SLC13A1: variants seen among roughly 807,000 people sequenced by gnomAD.
SLC13A1 encodes the protein solute carrier family 13 member 1.
A neutral mutation model predicts 70.0 loss-of-function variants in SLC13A1; 65 were observed. That is an observed-to-expected ratio of 0.93 (90% CI 0.76 to 1.14). The LOEUF (loss-of-function observed/expected upper bound fraction) is 1.14. SLC13A1 is among the 50% of genes most tolerant of loss of function. SLC13A1 has a pLI of 0.00. For missense variants in SLC13A1, 726 were observed against 717.8 expected, an observed-to-expected ratio of 1.01 and a Z score of -0.13; for synonymous variants, 275 against 250.5, an observed-to-expected ratio of 1.10 and a Z score of -0.92.
chr7:123,151,386 G>GTGTATATATA (rs142703205), intron 6 of SLC13A1, among the ~76,000 whole-genome samples: 3 of 145,850 alleles, frequency 2.1e-5, no homozygotes, highest in African/African-American at 7.7e-5. Flanking sequence ...GTGTGTGTGT[G>GTGTATATATA]TATATATATA....
intron 6 of SLC13A1, among the ~76,000 whole-genome samples, chr7:123,155,313 T>C (rs1794674511): frequency 1.3e-5 from 2 of 151,952 alleles, no homozygotes; most frequent in Admixed American, 6.6e-5. Flanking sequence ...TTTCCATTTA[T>C]GCTTTTATAT....
At chr7:123,120,965 T>C (rs1793357737) in intron 12 of SLC13A1, among the ~76,000 whole-genome samples, 1 of 152,080 alleles carries the variant, frequency 6.6e-6, no homozygotes. Context: ...TCAGTAGCTC[T>C]CTCAGTCCAG....
chr7:123,153,342 C>A (rs1263263754), intron 6 of SLC13A1, among the ~76,000 whole-genome samples: 1 of 151,960 alleles, frequency 6.6e-6, no homozygotes, highest in Non-Finnish European at 1.5e-5. Flanking sequence ...GGTAAAAATT[C>A]TACAGTAAAT....
intron 14 of SLC13A1, among the ~76,000 whole-genome samples, chr7:123,116,221 T>C (rs757180927): frequency 6.6e-6 from 1 of 152,230 alleles, no homozygotes; most frequent in Non-Finnish European, 1.5e-5. Flanking sequence ...GTTTTAGCTC[T>C]TATATCATTA....
intron 6 of SLC13A1, among the ~76,000 whole-genome samples, chr7:123,154,878 A>T (rs1286167417): frequency 6.6e-6 from 1 of 152,062 alleles, no homozygotes; most frequent in South Asian, 2.1e-4. Flanking sequence ...ATCTAGACTT[A>T]AGTCTTCCCT....
chr7:123,118,007 T>G (rs373525747), intron 13 of SLC13A1, among the ~76,000 whole-genome samples: 1 of 151,546 alleles, frequency 6.6e-6, no homozygotes, highest in East Asian at 1.9e-4. Flanking sequence ...ATATATATAT[T>G]GAATTTTTAC....
intron 6 of SLC13A1, among the ~76,000 whole-genome samples, chr7:123,165,779 A>C (rs10235874): frequency 0.028 from 4,220 of 152,250 alleles, 180 homozygotes; most frequent in African/African-American, 0.094. Context: ...TGAAAAAAAA[A>C]CATTCTTTAC....
At chr7:123,124,877 C>T (rs1371831352) in intron 11 of SLC13A1, among the ~76,000 whole-genome samples, 1 of 152,156 alleles carries the variant, frequency 6.6e-6, no homozygotes, top group African/African-American at 2.4e-5. Flanking sequence ...TAGCTCACTA[C>T]AGCCTCCAAC....
At chr7:123,134,787 G>T (rs1221199346) in intron 7 of SLC13A1, among the ~76,000 whole-genome samples, 1 of 152,244 alleles carries the variant, frequency 6.6e-6, no homozygotes, top group East Asian at 1.9e-4. Context: ...CATCTTTAAG[G>T]AAGTGCTTGT....
At chr7:123,199,805 A>G (rs1796295945) in intron 1 of SLC13A1, 43 bp downstream of exon 1, 2 of 1,421,364 alleles carry the variant, frequency 1.4e-6, no homozygotes, top group Non-Finnish European at 2.0e-6. Flanking sequence ...GGACAATTAA[A>G]TAAGTCAGGA....
intron 6 of SLC13A1, among the ~76,000 whole-genome samples, chr7:123,165,382 A>G (rs764782208): frequency 5.9e-5 from 9 of 152,270 alleles, no homozygotes; most frequent in Non-Finnish European, 1.3e-4. Flanking sequence ...CTTTATTGCC[A>G]AAAATGCATC....
intron 10 of SLC13A1, among the ~76,000 whole-genome samples, chr7:123,126,033 G>A (rs1162840472): frequency 6.6e-6 from 1 of 152,134 alleles, no homozygotes; most frequent in Admixed American, 6.6e-5. Flanking sequence ...TATTGATCAA[G>A]ATTTGAAGTT....
At chr7:123,144,774 A>T (rs1349108371) in intron 7 of SLC13A1, among the ~76,000 whole-genome samples, 1 of 152,160 alleles carries the variant, frequency 6.6e-6, no homozygotes, top group Non-Finnish European at 1.5e-5. Flanking sequence ...AGTCATTGTC[A>T]CTGCAAGTAA....
chr7:123,118,096 C>T (rs1360403327), intron 13 of SLC13A1, among the ~76,000 whole-genome samples: 3 of 151,856 alleles, frequency 2.0e-5, no homozygotes, highest in African/African-American at 4.8e-5. Flanking sequence ...GTAACTTGTC[C>T]GAGCATACAG....
chr7:123,136,885 A>T (rs74656733), intron 7 of SLC13A1, among the ~76,000 whole-genome samples: 1 of 152,202 alleles, frequency 6.6e-6, no homozygotes, highest in East Asian at 1.9e-4. Flanking sequence ...ACAGCATTCC[A>T]GACGGAGGAA....
chr7:123,161,958 C>T (rs1794924612), intron 6 of SLC13A1, among the ~76,000 whole-genome samples: 1 of 150,876 alleles, frequency 6.6e-6, no homozygotes, highest in Non-Finnish European at 1.5e-5. Flanking sequence ...ACGTTTTATA[C>T]AGGCATATAT....
rs1030117470 is a variant in SLC13A1 at position 123,115,801 on chromosome 7, C to A, written c.1651-146G>T. On this transcript the variant is annotated intron_variant, in intron 14 of 14. Coordinates refer to ENST00000194130, the MANE Select transcript of SLC13A1 (RefSeq NM_022444.4). ...CATTTTTTAAATTATACTTTAAGTT[C>A]TAGGGTACATGTGCACAACGTGCAG... is the stretch of plus-strand genomic sequence containing the variant. 7 of 811,792 alleles carry A rather than the reference C, an allele frequency of 8.6e-6. No homozygotes were observed. In the African/African-American group the frequency reaches 1.0e-4, roughly 12 times the overall value. The allele number at this position is 811,792 out of a possible 1,614,324, so 50.3% of individuals were successfully genotyped here.
intron 6 of SLC13A1, among the ~76,000 whole-genome samples, chr7:123,165,696 C>G (rs1412986522): frequency 1.3e-5 from 2 of 152,136 alleles, no homozygotes; most frequent in African/African-American, 4.8e-5. Context: ...ATATTTATAA[C>G]CTGGACAAAC....
chr7:123,131,033 T>C (rs1338935586), intron 8 of SLC13A1, among the ~76,000 whole-genome samples: 3 of 152,206 alleles, frequency 2.0e-5, no homozygotes, highest in African/African-American at 4.8e-5. Flanking sequence ...GGAATGTTTA[T>C]GAGCAGCTCA....
Sources: allele counts gnomAD v4.1 joint callset (sites outside exome capture counted in the v4.1 genomes callset), GRCh38; gene constraint gnomAD v4.1.1; transcripts MANE v1.5; gene names NCBI Gene and HGNC (gene_info 2026-07-23, HGNC 2026-07-21).